ZNF34: variants seen among roughly 807,000 people sequenced by gnomAD.
The protein encoded by ZNF34 is zinc finger protein 34.
In ZNF34, 8 loss-of-function variants were observed where a neutral mutation model predicts 14.4. The ratio of observed to expected loss-of-function variants is 0.55; its 90% CI spans 0.33 to 1.00. The LOEUF (loss-of-function observed/expected upper bound fraction) is 1.00, where lower values mean the gene tolerates loss of function less well. ZNF34 is among the 50% of genes least tolerant of loss of function. ZNF34 has a pLI of 0.03. For synonymous variants in ZNF34, 235 were observed against 247.9 expected, an observed-to-expected ratio of 0.95 and a Z score of 0.49; for missense variants, 538 against 674.2, an observed-to-expected ratio of 0.80 and a Z score of 2.24.
chr8:144,776,512 G>A (rs1295303338), intron 5 of ZNF34, among the ~76,000 whole-genome samples: 3 of 152,022 alleles, frequency 2.0e-5, no homozygotes, highest in African/African-American at 2.4e-5. Flanking sequence ...AGGCAGAATC[G>A]CTTGAAACCA....
intron 1 of ZNF34, among the ~76,000 whole-genome samples, chr8:144,781,502 C>T (rs1039026394): frequency 1.3e-5 from 2 of 151,982 alleles, no homozygotes; most frequent in Non-Finnish European, 2.9e-5. Flanking sequence ...GTGATCTGCC[C>T]GCCTTGGCCT....
rs746726402 is a variant in ZNF34 at position 144,774,261 on chromosome 8, C to T, written c.625G>A (p.Glu209Lys). 1 of 1,613,786 alleles carries T rather than the reference C, an allele frequency of 6.2e-7. No individual in the cohort carries two copies. The highest frequency in any genetic ancestry group is 1.3e-5 in the African/African-American group (1 of 74,932). ...KKTNTVRNSG[E>K]IFSANLVVKE... The stretch of plus-strand genomic sequence containing the variant: ...ACAACTAAGTTTGCACTGAAGATTT[C>T]CCCAGAGTTACGAACTGTATTTGTT... The change falls in exon 6 of 6, where the codon GAA becomes AAA. Residue 209 changes from glutamate (E) to lysine (K), a missense_variant. By Grantham distance (56) the Glu-to-Lys change is moderately conservative. This residue lies in a region of ZNF34 where 431 missense variants were observed against 525.7 expected (regional missense o/e 0.82). Coordinates refer to ENST00000429371, the MANE Select transcript of ZNF34 (RefSeq NM_001286769.2).
chr8:144,784,653 G>A (rs1023093745), intron 1 of ZNF34, among the ~76,000 whole-genome samples: 12 of 151,912 alleles, frequency 7.9e-5, no homozygotes, highest in African/African-American at 2.9e-4. Context: ...AGCTACTCAG[G>A]AGGCTGAAGT....
At position 144,774,424 on chromosome 8, in the gene ZNF34, G is replaced by A; in HGVS notation, c.462C>T (p.Ser154=). The A allele has an allele frequency of 6.2e-7, 1 of 1,613,938 alleles. No homozygotes were observed. The highest frequency in any genetic ancestry group is 8.5e-7 in the Non-Finnish European group (1 of 1,179,870). ...RAVTLTNGES[S]RESGGNLRLL... ...ACCTGAGGTTTCCCCCAGACTCCCTGCTGCTCTCCCCGTTGGTCAGTGTGA... is the reference window on the plus strand; with the variant it reads ...ACCTGAGGTTTCCCCCAGACTCCCTACTGCTCTCCCCGTTGGTCAGTGTGA... The change falls in exon 6 of 6, where the codon AGC becomes AGT. Residue 154 remains serine (S), a synonymous_variant. Transcript: ENST00000429371.
intron 1 of ZNF34, among the ~76,000 whole-genome samples, chr8:144,782,520 G>T (rs1255475068): frequency 6.6e-6 from 1 of 150,800 alleles, no homozygotes. Context: ...CAAAAGAAAA[G>T]AAATCAGATA....
At position 144,773,162 on chromosome 8, in the gene ZNF34, CTG is replaced by C; in HGVS notation, c.*102_*103del. On this transcript the variant is annotated 3_prime_UTR_variant, in exon 6 of 6. Coordinates refer to ENST00000429371, the MANE Select transcript of ZNF34 (RefSeq NM_001286769.2). This position sits in a 1 kb window ranked among gnomAD's most constrained non-coding sequence, Gnocchi z 5.4. ...GTTTAATGAGAAACGTCCTTTCACT[CTG>C]TGAAAACATCGTGTGGATAATACAT... 1.6e-6 allele frequency: 2 copies of C among 1,242,240 alleles called. No individual in the cohort carries two copies. Among genetic ancestry groups the C allele is most frequent in the South Asian group, 3.4e-5 (2 of 59,014 alleles). 77.0% of individuals were successfully genotyped at this position (1,242,240 alleles called of 1,614,324 possible). A position where few individuals can be genotyped will look rare whatever the true frequency, so the allele number is the denominator to read the frequency against.
Position 144,778,161 on chromosome 8 carries a change from C to T in ZNF34, c.37G>A (p.Glu13Lys), listed in dbSNP as rs200788442. The change falls in exon 4 of 6, where the codon GAG (glutamate) becomes AAG (lysine). Residue 13 changes from glutamate to lysine, a missense_variant. Physicochemically the swap from Glu to Lys is moderately conservative, Grantham distance 56. Around this residue, in one of 3 missense-constraint regions of ZNF34, gnomAD observed 431 missense variants for 525.7 expected, o/e 0.82. Transcript: ENST00000429371. ...ALFLSAPPQA[E>K]VTFEDVAVYL... ...ACAGCCACGTCCTCGAAGGTCACCTCGGCCTGGAATGACAGGGACTACTGC... is the reference window on the plus strand; with the variant it reads ...ACAGCCACGTCCTCGAAGGTCACCTTGGCCTGGAATGACAGGGACTACTGC... 6.4e-4 allele frequency: 1,038 copies of T among 1,611,680 alleles called. 10 individuals carry two copies. In the South Asian group the frequency reaches 0.01, roughly 16 times the overall value.
Position 144,779,331 on chromosome 8 carries a change from C to T in ZNF34, c.-54-806G>A, listed in dbSNP as rs1021469653. ...AAAATGCTAAACCGTCACAGCTACG[C>T]TTGATGCACCGCTACCTTTCTATCC... On this transcript the variant is annotated intron_variant, in intron 2 of 5. Transcript: ENST00000429371. The surrounding 1 kb of genome is among the most constrained non-coding windows in gnomAD (Gnocchi z 4.1). 2.0e-5 allele frequency among the ~76,000 whole-genome samples: 3 copies of T among 152,210 alleles called. No homozygotes were observed. Among genetic ancestry groups the T allele is most frequent in the Non-Finnish European group, 4.4e-5 (3 of 68,036 alleles).
In ZNF34 at chr8:144,773,152, T is replaced by C. The variant is rs1825263402; in HGVS notation, c.*114A>G. 3 of 1,153,426 alleles carry C rather than the reference T, an allele frequency of 2.6e-6. No individual in the cohort carries two copies. Among genetic ancestry groups the C allele is most frequent in the Non-Finnish European group, 3.5e-6 (3 of 850,892 alleles). 71.4% of individuals were successfully genotyped at this position (1,153,426 alleles called of 1,614,324 possible). A position where few individuals can be genotyped will look rare whatever the true frequency, so the allele number is the denominator to read the frequency against. ...AAAGAGGTTTGTTTAATGAGAAACG[T>C]CCTTTCACTCTGTGAAAACATCGTG... On this transcript the variant is annotated 3_prime_UTR_variant, in exon 6 of 6. Coordinates refer to ENST00000429371, the MANE Select transcript of ZNF34 (RefSeq NM_001286769.2). The surrounding 1 kb of genome is among the most constrained non-coding windows in gnomAD (Gnocchi z 5.4).
Position 144,779,296 on chromosome 8 carries a change from T to C in ZNF34, c.-54-771A>G, listed in dbSNP as rs763844072. On this transcript the variant is annotated intron_variant, in intron 2 of 5. Transcript: ENST00000429371. This position sits in a 1 kb window ranked among gnomAD's most constrained non-coding sequence, Gnocchi z 4.1. ...CTCAGGTAGCAGAGCATAGTACATA[T>C]GTGTCAAAGAAAATGCTAAACCGTC... is the stretch of plus-strand genomic sequence containing the variant. Among the ~76,000 whole-genome samples, 3 of 152,238 alleles carry C rather than the reference T, an allele frequency of 2.0e-5. No homozygotes were observed. The highest frequency in any genetic ancestry group is 2.9e-5 in the Non-Finnish European group (2 of 68,044).
chr8:144,776,318 A>G (rs1374077500), intron 5 of ZNF34, among the ~76,000 whole-genome samples: 1 of 149,848 alleles, frequency 6.7e-6, no homozygotes, highest in Non-Finnish European at 1.5e-5. Context: ...TCTCAAAAAA[A>G]AAAAAAAAGA....
Position 144,774,214 on chromosome 8 carries a change from A to G in ZNF34, c.672T>C (p.Pro224=). The G allele has an allele frequency of 6.2e-7, 1 of 1,612,432 alleles. No individual in the cohort carries two copies. The highest frequency in any genetic ancestry group is 8.5e-7 in the Non-Finnish European group (1 of 1,179,514). The change falls in exon 6 of 6, where the codon CCT becomes CCC. Residue 224 remains proline, a synonymous_variant. Coordinates refer to ENST00000429371, the MANE Select transcript of ZNF34 (RefSeq NM_001286769.2). ...TGCAATAATGCAATTTTTTCCCAGTAGGAATTTTCTGATCTTCTTTAACAA... is the reference window on the plus strand; with the variant it reads ...TGCAATAATGCAATTTTTTCCCAGTGGGAATTTTCTGATCTTCTTTAACAA... ...NLVVKEDQKI[P]TGKKLHYCSY...
At position 144,778,120 on chromosome 8, in the gene ZNF34, C is replaced by T; in HGVS notation, c.78G>A (p.Glu26=). ...GAGCAGGGCCCAGGCGGCCCCATTC[C>T]TCCCGGGAGAGGTACACAGCCACGT... ...FEDVAVYLSR[E]EWGRLGPAQR... is the part of the protein sequence containing the mutation. The change falls in exon 4 of 6, where the codon GAG becomes GAA. Residue 26 remains glutamate (E), a synonymous_variant. Transcript: ENST00000429371. 2 of 1,613,906 alleles carry T rather than the reference C, an allele frequency of 1.2e-6. No individual in the cohort carries two copies. Among genetic ancestry groups the T allele is most frequent in the East Asian group, 2.2e-5 (1 of 44,882 alleles).
At chr8:144,781,291 C>T (rs569019457) in intron 1 of ZNF34, among the ~76,000 whole-genome samples, 42 of 147,900 alleles carry the variant, frequency 2.8e-4, no homozygotes, top group African/African-American at 9.0e-4. Flanking sequence ...TTTTTTTAGA[C>T]GGAGTCTTAC....
chr8:144,772,291 A>G lies in ZNF34; in HGVS notation c.*975T>C, dbSNP rs889829666. Among the ~76,000 whole-genome samples the G allele has an allele frequency of 2.6e-5, 4 of 152,208 alleles. No homozygotes were observed. Among genetic ancestry groups the G allele is most frequent in the Admixed American group, 2.6e-4 (4 of 15,278 alleles). On this transcript the variant is annotated 3_prime_UTR_variant, in exon 6 of 6. Transcript: ENST00000429371. ...TTCAAAGAGACAGAAAATAGAATTG[A>G]GGTTACCAGCAGTAGGGAGAAGGGG...
At position 144,772,899 on chromosome 8, in the gene ZNF34, G is replaced by A. The variant is rs192168836; in HGVS notation, c.*367C>T. Among the ~76,000 whole-genome samples, 300 of 152,290 alleles carry A rather than the reference G, an allele frequency of 2.0e-3. No individual in the cohort carries two copies. The highest frequency in any genetic ancestry group is 3.2e-3 in the Admixed American group (49 of 15,272). ...AAATATATGGTGCTCTCTTCAGTGT[G>A]AATTTTCTGATATTGAGGAAATAGC... On this transcript the variant is annotated 3_prime_UTR_variant, in exon 6 of 6. Coordinates refer to ENST00000429371, the MANE Select transcript of ZNF34 (RefSeq NM_001286769.2).
At position 144,782,340 on chromosome 8, in the gene ZNF34, C is replaced by G. The variant is rs1039145596; in HGVS notation, c.-107-2060G>C. Among the ~76,000 whole-genome samples, 3 of 151,494 alleles carry G rather than the reference C, an allele frequency of 2.0e-5. No individual in the cohort carries two copies. The East Asian group carries it at 5.9e-4, about 30-fold the overall frequency. On this transcript the variant is annotated intron_variant, in intron 1 of 5. Coordinates refer to ENST00000429371, the MANE Select transcript of ZNF34 (RefSeq NM_001286769.2). ...CGACACAAAACAAAACAAAACAAAA[C>G]TTAGCCGGGCATGGTGGCGTGAACC...
chr8:144,780,764 G>T (rs781675835), intron 1 of ZNF34, among the ~76,000 whole-genome samples: 1 of 152,100 alleles, frequency 6.6e-6, no homozygotes, highest in Non-Finnish European at 1.5e-5. Context: ...ACTCCAGCCT[G>T]GGGGACAAGA....
At position 144,774,276 on chromosome 8, in the gene ZNF34, C is replaced by T. The variant is rs775222735; in HGVS notation, c.610G>A (p.Val204Ile). ...RVHRSKKTNT[V>I]RNSGEIFSAN... Reference sequence around the variant, plus strand: ...CTGAAGATTTCCCCAGAGTTACGAACTGTATTTGTTTTTTTTGACCTGTGT... The same window carrying T: ...CTGAAGATTTCCCCAGAGTTACGAATTGTATTTGTTTTTTTTGACCTGTGT... The change falls in exon 6 of 6, where the codon GTT becomes ATT. Residue 204 changes from valine to isoleucine, a missense_variant. Coordinates refer to ENST00000429371, the MANE Select transcript of ZNF34 (RefSeq NM_001286769.2). 3.7e-6 allele frequency: 6 copies of T among 1,613,782 alleles called. No homozygotes were observed. The Admixed American group carries it at 6.7e-5, about 18-fold the overall frequency.
Sources: allele counts gnomAD v4.1 joint callset (sites outside exome capture counted in the v4.1 genomes callset), GRCh38; gene constraint gnomAD v4.1.1; regional missense constraint gnomAD v4.1.1; non-coding constraint Gnocchi (gnomAD v3.1); transcripts MANE v1.5; gene names NCBI Gene and HGNC (gene_info 2026-07-23, HGNC 2026-07-21).